POR: variants seen among roughly 807,000 people sequenced by gnomAD.
POR encodes the protein cytochrome p450 oxidoreductase, also known as NADPH--cytochrome P450 reductase.
A neutral mutation model predicts 84.0 loss-of-function variants in POR; 56 were observed. That is an observed-to-expected ratio of 0.67 (90% confidence interval 0.54 to 0.83). The LOEUF (loss-of-function observed/expected upper bound fraction) is 0.83. POR is among the 40% of genes least tolerant of loss of function. The probability of loss-of-function intolerance (pLI) is 0.00; values close to 1 mark genes in which losing one functional copy is unlikely to be tolerated. For missense variants in POR, 938 were observed against 944.3 expected, an observed-to-expected ratio of 0.99 and a Z score of 0.09; for synonymous variants, 414 against 400.5, an observed-to-expected ratio of 1.03 and a Z score of -0.40.
At chr7:75,980,575 C>T (rs1486220247) in intron 5 of POR, 87 bp downstream of exon 5, 10 of 1,611,098 alleles carry the variant, frequency 6.2e-6, no homozygotes, top group Non-Finnish European at 8.5e-6. Flanking sequence ...AAAGGCAGCC[C>T]TCCAGACCCC....
At chr7:75,968,170 GC>G (rs1272102443) in intron 2 of POR, 8 of 460,482 alleles carry the variant, frequency 1.7e-5, no homozygotes, top group Admixed American at 4.7e-5. Context: ...CTGCCCTCAT[GC>G]CCCTTGGCCA....
At chr7:75,979,167 G>C (rs143888175) in intron 3 of POR, among the ~76,000 whole-genome samples, 64 of 152,306 alleles carry the variant, frequency 4.2e-4, no homozygotes, top group South Asian at 1.0e-3. Flanking sequence ...TATACATTTG[G>C]TTACTTTTTT....
rs41301400 is a variant in POR at position 75,983,957 on chromosome 7, G to A, written c.1066+101G>A. The A allele has an allele frequency of 8.7e-4, 811 of 927,206 alleles. 3 individuals are homozygous for A. The African/African-American group carries it at 0.012, about 14-fold the overall frequency. The allele number at this position is 927,206 out of a possible 1,614,324, so 57.4% of individuals were successfully genotyped here. On this transcript the variant is annotated intron_variant, in intron 10 of 15. Coordinates refer to ENST00000461988, the MANE Select transcript of POR (RefSeq NM_000941.3). ...AGCTTCTGCTTAGGCCTGAAGCCCC[G>A]GTGCCTGGGAGGCCCTTGCACCGAG...
At chr7:75,948,016 C>T (rs1247063148) in intron 1 of POR, among the ~76,000 whole-genome samples, 1 of 152,196 alleles carries the variant, frequency 6.6e-6, no homozygotes, top group Non-Finnish European at 1.5e-5. Flanking sequence ...AGAGGCCTTC[C>T]TTTCGCACCG....
chr7:75,973,146 A>G (rs370411691), intron 3 of POR, among the ~76,000 whole-genome samples: 122 of 152,172 alleles, frequency 8.0e-4, no homozygotes, highest in African/African-American at 2.7e-3. Context: ...AATTGTAGGC[A>G]TCAGTACTAC....
chr7:75,970,267 C>T (rs1788370878), intron 2 of POR, among the ~76,000 whole-genome samples: 1 of 152,052 alleles, frequency 6.6e-6, no homozygotes, highest in African/African-American at 2.4e-5. Context: ...TCGGGCCCCA[C>T]ATGTACCACT....
intron 1 of POR, among the ~76,000 whole-genome samples, chr7:75,936,086 CT>C (rs869164954): frequency 0.051 from 5,078 of 99,878 alleles, 62 homozygotes; most frequent in African/African-American, 0.11. Flanking sequence ...TTCTTTCTTT[CT>C]TTTTTTTTTT....
chr7:75,972,828 CT>C (rs1216099396), intron 3 of POR: 14,897 of 252,484 alleles, frequency 0.059, no homozygotes, highest in South Asian at 0.12. Flanking sequence ...GTTTTTGTTA[CT>C]TTTTTTTTTT....
intron 2 of POR, chr7:75,968,089 G>A (rs1269342157): frequency 1.3e-5 from 6 of 455,398 alleles, no homozygotes; most frequent in African/African-American, 8.0e-5. Flanking sequence ...GCCATGGGGT[G>A]CACGTACTCG....
intron 3 of POR, among the ~76,000 whole-genome samples, chr7:75,974,263 T>C (rs1788571863): frequency 6.6e-6 from 1 of 152,164 alleles, no homozygotes. Context: ...GGAAGGTAGA[T>C]GTGTTTGCAA....
In POR at chr7:75,969,697, G is replaced by A. The variant is rs188630297; in HGVS notation, c.189-2716G>A. Among the ~76,000 whole-genome samples, 14 of 152,300 alleles carry A rather than the reference G, an allele frequency of 9.2e-5. No individual in the cohort carries two copies. The East Asian group carries it at 2.1e-3, about 23-fold the overall frequency. Reference sequence around the variant, plus strand: ...GATGCCAGGTCAGACCTCAGAGGTGGCTAGGGAGTGAGAAGTGCCCTCAAC... The same window carrying A: ...GATGCCAGGTCAGACCTCAGAGGTGACTAGGGAGTGAGAAGTGCCCTCAAC... On this transcript the variant is annotated intron_variant, in intron 2 of 15. Transcript: ENST00000461988.
intron 1 of POR, among the ~76,000 whole-genome samples, chr7:75,935,618 CTTGTGTGT>C (rs1327043866): frequency 7.4e-5 from 8 of 107,512 alleles, no homozygotes; most frequent in Non-Finnish European, 1.5e-4. Flanking sequence ...CTGCTCGGGG[CTTGTGTGT>C]GTGTGTGTGT....
At chr7:75,927,892 A>G (rs1554549719) in intron 1 of POR, among the ~76,000 whole-genome samples, 1 of 151,336 alleles carries the variant, frequency 6.6e-6, no homozygotes, top group African/African-American at 2.4e-5. Context: ...ACTGGTCTCG[A>G]ACTCCTGACC....
chr7:75,976,801 G>A (rs1394785184), intron 3 of POR, among the ~76,000 whole-genome samples: 3 of 151,950 alleles, frequency 2.0e-5, no homozygotes, highest in African/African-American at 7.2e-5. Context: ...GGAAAATTCA[G>A]GAACTTTAAA....
chr7:75,982,157 C>T, intron 7 of POR, 67 bp from the exon 8 acceptor site: 1 of 1,274,492 alleles, frequency 7.8e-7, no homozygotes, highest in Non-Finnish European at 1.1e-6. Flanking sequence ...CCCCTGTAGT[C>T]CAACCCCTCC....
intron 1 of POR, among the ~76,000 whole-genome samples, chr7:75,953,261 T>A (rs1240336687): frequency 1.6e-5 from 2 of 126,028 alleles, no homozygotes; most frequent in Non-Finnish European, 1.6e-5. Context: ...TGAGCCGAGA[T>A]GGCAGCAGTA....
intron 1 of POR, among the ~76,000 whole-genome samples, chr7:75,941,697 G>C (rs1018883963): frequency 3.0e-4 from 46 of 152,150 alleles, no homozygotes; most frequent in South Asian, 2.1e-4. Flanking sequence ...TTCAAATAAG[G>C]CTGGTTGCGG....
rs1205625387 is a variant in POR at position 75,956,293 on chromosome 7, A to AAAAAC, written c.188+2134_188+2138dup. On this transcript the variant is annotated intron_variant, in intron 2 of 15. Coordinates refer to ENST00000461988, the MANE Select transcript of POR (RefSeq NM_000941.3). ...CAGCCTGGGAGACAGAGTCCGTCTCAAAAACAAAACAAAACAAAACAAAAC... is the reference window on the plus strand; with the variant it reads ...CAGCCTGGGAGACAGAGTCCGTCTCAAAAACAAAACAAAACAAAACAAAACAAAAC... Among the ~76,000 whole-genome samples the AAAAAC allele has an allele frequency of 1.9e-4, 29 of 152,262 alleles. No homozygotes were observed. The South Asian group carries it at 3.7e-3, about 20-fold the overall frequency.
At chr7:75,936,483 A>G (rs1469380425) in intron 1 of POR, among the ~76,000 whole-genome samples, 2 of 152,056 alleles carry the variant, frequency 1.3e-5, no homozygotes, top group African/African-American at 4.8e-5. Context: ...TTGATGTTCA[A>G]TGTGGAGCTC....
Sources: allele counts gnomAD v4.1 joint callset (sites outside exome capture counted in the v4.1 genomes callset), GRCh38; gene constraint gnomAD v4.1.1; transcripts MANE v1.5; gene names NCBI Gene and HGNC (gene_info 2026-07-23, HGNC 2026-07-21).